Variants in PLEKHM2 observed in about 807,000 individuals in gnomAD.
PLEKHM2 encodes the protein pleckstrin homology and RUN domain containing M2.
Under a neutral mutation model 116.3 loss-of-function variants are expected in PLEKHM2, and 77 were observed. The observed-to-expected ratio is 0.66, with a 90% CI of 0.55 to 0.80. PLEKHM2 has a LOEUF of 0.80. Among genes scored for constraint, PLEKHM2 ranks in the 30% least tolerant of loss-of-function variants. The probability of loss-of-function intolerance (pLI) is 0.00; values close to 1 mark genes in which losing one functional copy is unlikely to be tolerated. For missense variants in PLEKHM2, 1,183 were observed against 1,354.9 expected (o/e 0.87, Z 1.99); for synonymous variants, 562 against 571.0 (o/e 0.98, Z 0.22).
rs1397339986 is a variant in PLEKHM2 at position 15,728,302 on chromosome 1, C to T, written c.1866C>T (p.Asn622=). The T allele has an allele frequency of 1.2e-6, 2 of 1,613,358 alleles. No homozygotes were observed. The highest frequency in any genetic ancestry group is 1.1e-5 in the South Asian group (1 of 91,086). The part of the protein sequence containing the change: ...IRMSTGHMEG[N]LQLLYVLLTD... Reference sequence around the variant, plus strand: ...TGAGCACCGGGCACATGGAGGGCAACCTGCAGCTGCTGTACGTGCTGCTCA... The same window carrying T: ...TGAGCACCGGGCACATGGAGGGCAATCTGCAGCTGCTGTACGTGCTGCTCA... Residue 622 remains asparagine, a synonymous_variant, in exon 11 of 20, where the codon AAC becomes AAT. Transcript: ENST00000375799. This position sits in a 1 kb window ranked among gnomAD's most constrained non-coding sequence, Gnocchi z 5.9.
At chr1:15,726,912 C>A in intron 8 of PLEKHM2, 102 bp from the exon 9 acceptor site, 2 of 738,840 alleles carry the variant, frequency 2.7e-6, no homozygotes, top group Non-Finnish European at 4.3e-6. Context: ...TAGCTGTGCC[C>A]TCAGAGGCTA....
intron 1 of PLEKHM2, among the ~76,000 whole-genome samples, chr1:15,685,570 A>AAAGG (rs1640754024): frequency 1.3e-5 from 2 of 151,132 alleles, no homozygotes; most frequent in Non-Finnish European, 2.9e-5. Flanking sequence ...AGAAAGAAAG[A>AAAGG]AAGAAAAAAG....
chr1:15,725,984 A>G (rs1303386840), intron 8 of PLEKHM2: 2 of 176,460 alleles, frequency 1.1e-5, no homozygotes, highest in Non-Finnish European at 2.4e-5. Context: ...CCACCCCCTG[A>G]TACCATCACA....
intron 1 of PLEKHM2, among the ~76,000 whole-genome samples, chr1:15,701,951 G>A (rs1028159166): frequency 3.3e-5 from 5 of 151,902 alleles, no homozygotes; most frequent in South Asian, 2.1e-4. Flanking sequence ...ATGCAAGCTC[G>A]GGGGGGTAGT....
chr1:15,716,112 G>T (rs545249598), intron 1 of PLEKHM2, 125 bp from the exon 2 acceptor site: 1 of 628,178 alleles, frequency 1.6e-6, no homozygotes, highest in East Asian at 2.8e-5. Context: ...TGAGGTAGAC[G>T]TCTCTGCTGG....
chr1:15,734,147 C>T lies in PLEKHM2; in HGVS notation c.*213C>T, dbSNP rs1442189939. On this transcript the variant is annotated 3_prime_UTR_variant, in exon 20 of 20. Transcript: ENST00000375799. ...CCTGGGCATCCTGCCCGACAGGTAG[C>T]GAATGGAGGTCGCTGGGGGCAGAGG... 13 of 577,696 alleles carry T rather than the reference C, an allele frequency of 2.3e-5. No individual in the cohort carries two copies. The highest frequency in any genetic ancestry group is 3.4e-5 in the Admixed American group (1 of 29,272). The allele number at this position is 577,696 out of a possible 1,614,324, so 35.8% of individuals were successfully genotyped here. A position where few individuals can be genotyped will look rare whatever the true frequency, so the allele number is the denominator to read the frequency against.
intron 1 of PLEKHM2, among the ~76,000 whole-genome samples, chr1:15,706,887 T>C (rs1396752346): frequency 1.3e-5 from 2 of 152,212 alleles, no homozygotes; most frequent in African/African-American, 2.4e-5. Flanking sequence ...TGTTGAAATA[T>C]GTGACCCTTC....
At position 15,713,012 on chromosome 1, in the gene PLEKHM2, G is replaced by A. The variant is rs548878008; in HGVS notation, c.61-3225G>A. Among the ~76,000 whole-genome samples, 3 of 152,238 alleles carry A rather than the reference G, an allele frequency of 2.0e-5. No homozygotes were observed. The South Asian group carries it at 6.2e-4, about 32-fold the overall frequency. ...GACGGGGTTTCACCATGTTAGCCAG[G>A]CTGGTCTGAAACTCCTGACCTCAAC... On this transcript the variant is annotated intron_variant, in intron 1 of 19. Transcript: ENST00000375799.
In PLEKHM2 at chr1:15,727,790, G is replaced by C; in HGVS notation, c.1718G>C (p.Gly573Ala). ...SSAEDSGVDE[G>A]QGSPSEMVHS... ...GCTGAGGATTCTGGGGTGGATGAGG[G>C]ACAGGGGAGCCCTTCGGAGATGGTC... Residue 573 changes from glycine to alanine, a missense_variant, in exon 9 of 20, where the codon GGA becomes GCA. By Grantham distance (60) the Gly-to-Ala change is moderately conservative (BLOSUM62 0). Transcript: ENST00000375799. The surrounding 1 kb of genome is among the most constrained non-coding windows in gnomAD (Gnocchi z 7.5). 6.2e-7 allele frequency: 1 copy of C among 1,602,824 alleles called. No homozygotes were observed. The highest frequency in any genetic ancestry group is 8.5e-7 in the Non-Finnish European group (1 of 1,175,414).
chr1:15,711,795 T>C (rs963020116), intron 1 of PLEKHM2, among the ~76,000 whole-genome samples: 1 of 151,812 alleles, frequency 6.6e-6, no homozygotes, highest in Non-Finnish European at 1.5e-5. Context: ...GAAAATAATA[T>C]ATAACAACAC....
intron 8 of PLEKHM2, among the ~76,000 whole-genome samples, chr1:15,726,266 A>G (rs533728788): frequency 1.3e-5 from 2 of 152,346 alleles, no homozygotes; most frequent in South Asian, 4.1e-4. Context: ...CAGGACATGG[A>G]AAGGAAGGAC....
rs12091326 is a variant in PLEKHM2, at chr1:15,721,510, A to G, written c.712+122A>G. The G allele has an allele frequency of 0.28, 172,744 of 623,990 alleles. 29,280 individuals carry two copies. Among genetic ancestry groups the G allele is most frequent in the African/African-American group, 0.64 (34,503 of 53,510 alleles). 38.7% of individuals were successfully genotyped at this position (623,990 alleles called of 1,614,324 possible). ...TAATATCCATAATCATAATAAAGCC[A>G]AGTTTGGTGTTCTAATAGATGGAAT... On this transcript the variant is annotated intron_variant, in intron 7 of 19. Transcript: ENST00000375799. The surrounding 1 kb of genome is among the most constrained non-coding windows in gnomAD (Gnocchi z 5.1).
intron 1 of PLEKHM2, among the ~76,000 whole-genome samples, chr1:15,709,501 C>G (rs1641286035): frequency 6.6e-6 from 1 of 152,134 alleles, no homozygotes; most frequent in Admixed American, 6.6e-5. Context: ...CTAGTGACTA[C>G]TGTATTGGAC....
In PLEKHM2 at chr1:15,718,434, A is replaced by G. The variant is rs35757484; in HGVS notation, c.378-104A>G. 137,719 of 718,792 alleles carry G rather than the reference A, an allele frequency of 0.19. 14,522 individuals are homozygous for G. The highest frequency in any genetic ancestry group is 0.33 in the African/African-American group (19,242 of 57,572). The allele number at this position is 718,792 out of a possible 1,614,324, so 44.5% of individuals were successfully genotyped here. A position where few individuals can be genotyped will look rare whatever the true frequency, so the allele number is the denominator to read the frequency against. On this transcript the variant is annotated intron_variant, in intron 4 of 19. Transcript: ENST00000375799. The stretch of plus-strand genomic sequence containing the variant: ...TCAAGCTGGGTGCCGTCCAAGGTGG[A>G]GGACATCACGTGTCAGATTTCAACA...
chr1:15,681,651 G>C, upstream of PLEKHM2: 1 of 454,394 alleles, frequency 2.2e-6, no homozygotes, highest in Non-Finnish European at 4.5e-6. Context: ...ACCCTAGCCA[G>C]GATGGAGTGG....
At chr1:15,700,002 A>C (rs1382710308) in intron 1 of PLEKHM2, among the ~76,000 whole-genome samples, 1 of 150,324 alleles carries the variant, frequency 6.7e-6, no homozygotes, top group African/African-American at 2.5e-5. Context: ...AAAAAAAAAA[A>C]CAACAAAAAT....
intron 1 of PLEKHM2, among the ~76,000 whole-genome samples, chr1:15,698,541 C>CTTTTTTTTTTTTT (rs1249746368): frequency 2.2e-5 from 3 of 139,032 alleles, no homozygotes; most frequent in African/African-American, 8.7e-5. Context: ...TTCTTTCTTT[C>CTTTTTTTTTTTTT]TTTCTTTCTT....
chr1:15,731,804 G>T, intron 16 of PLEKHM2, 85 bp from the exon 17 acceptor site: 1 of 1,207,026 alleles, frequency 8.3e-7, no homozygotes, highest in African/African-American at 1.5e-5. Context: ...ACCCTGTGCC[G>T]CACACCCCGC....
chr1:15,694,684 T>A (rs1571022808), intron 1 of PLEKHM2, among the ~76,000 whole-genome samples: 1 of 152,054 alleles, frequency 6.6e-6, no homozygotes, highest in African/African-American at 2.4e-5. Flanking sequence ...TGAGAGCTTC[T>A]CCTAACCTCT....
Sources: allele counts gnomAD v4.1 joint callset (sites outside exome capture counted in the v4.1 genomes callset), GRCh38; gene constraint gnomAD v4.1.1; non-coding constraint Gnocchi (gnomAD v3.1); transcripts MANE v1.5; gene names NCBI Gene and HGNC (gene_info 2026-07-23, HGNC 2026-07-21).